FAM124A: variants seen among roughly 807,000 people sequenced by gnomAD.
The protein encoded by FAM124A is family with sequence similarity 124 member A, also known as protein FAM124A.
FAM124A carries 23 observed loss-of-function variants against 24.5 expected under a neutral mutation model. The ratio of observed to expected loss-of-function variants is 0.94; its 90% CI spans 0.68 to 1.33. FAM124A has a LOEUF of 1.33. Ranked by LOEUF, FAM124A falls within the 40% of genes most tolerant of loss-of-function variation. FAM124A has a pLI of 0.00. For missense variants in FAM124A, 623 were observed against 722.8 expected (o/e 0.86, Z 1.58); for synonymous variants, 287 against 314.7 (o/e 0.91, Z 0.93).
intron 1 of FAM124A, among the ~76,000 whole-genome samples, chr13:51,228,783 A>G (rs949961172): frequency 6.6e-6 from 1 of 152,220 alleles, no homozygotes; most frequent in African/African-American, 2.4e-5. Flanking sequence ...TATTTGGAAT[A>G]TATTTTAAGA....
chr13:51,280,449 G>A lies in FAM124A; in HGVS notation c.835-1G>A. The A allele has an allele frequency of 1.3e-6, 2 of 1,587,886 alleles. No homozygotes were observed. The highest frequency in any genetic ancestry group is 1.7e-6 in the Non-Finnish European group (2 of 1,164,618). On this transcript the variant is annotated splice_acceptor_variant, in intron 3 of 3. Coordinates refer to ENST00000322475, the MANE Select transcript of FAM124A (RefSeq NM_001242312.2). LOFTEE classifies it high-confidence loss of function. ...AATGTGATCTGCCTCTCCCCCCACA[G>A]GCACAAAGGGTGCATAAGAAGTTTC... is the stretch of plus-strand genomic sequence containing the variant.
At chr13:51,270,077 G>A (rs1474422108) in intron 3 of FAM124A, among the ~76,000 whole-genome samples, 3 of 152,112 alleles carry the variant, frequency 2.0e-5, no homozygotes, top group Non-Finnish European at 2.9e-5. Flanking sequence ...CAGATCCTGC[G>A]GACATGGGGT....
At chr13:51,226,120 G>A (rs1043074378) in intron 1 of FAM124A, among the ~76,000 whole-genome samples, 1 of 149,656 alleles carries the variant, frequency 6.7e-6, no homozygotes, top group African/African-American at 2.5e-5. Flanking sequence ...AGCCTCCTAA[G>A]TAGCTGGGAT....
At chr13:51,264,904 T>A (rs897369536) in intron 3 of FAM124A, among the ~76,000 whole-genome samples, 6 of 152,258 alleles carry the variant, frequency 3.9e-5, no homozygotes, top group Non-Finnish European at 2.9e-5. Context: ...ATTTTTCCTG[T>A]TTTGTATATT....
intron 2 of FAM124A, chr13:51,245,306 A>G: frequency 1.5e-6 from 1 of 664,252 alleles, no homozygotes; most frequent in Non-Finnish European, 2.8e-6. Flanking sequence ...ATCTTTTATT[A>G]TGCAGATGGA....
At chr13:51,247,150 G>A (rs1954572707) in intron 2 of FAM124A, among the ~76,000 whole-genome samples, 1 of 152,216 alleles carries the variant, frequency 6.6e-6, no homozygotes, top group Admixed American at 6.5e-5. Flanking sequence ...TGGGAATGAA[G>A]CCAGTCAGAA....
chr13:51,275,615 C>T (rs1311179450), intron 3 of FAM124A, among the ~76,000 whole-genome samples: 1 of 152,036 alleles, frequency 6.6e-6, no homozygotes, highest in African/African-American at 2.4e-5. Context: ...AGCCCATAAA[C>T]ATCTCATAAG....
At chr13:51,270,282 A>G (rs1242873618) in intron 3 of FAM124A, among the ~76,000 whole-genome samples, 1 of 152,214 alleles carries the variant, frequency 6.6e-6, no homozygotes, top group Non-Finnish European at 1.5e-5. Flanking sequence ...GAGATAACTC[A>G]TTATTTACAA....
Position 51,231,416 on chromosome 13 carries a change from C to T in FAM124A, c.100+37C>T, listed in dbSNP as rs775700732. ...TTAAACATCCTTCAGCATTGTCTAA[C>T]GGTCCCCGGAGAGGTCAGTACCCTA... On this transcript the variant is annotated intron_variant, in intron 2 of 3. Transcript: ENST00000322475. 21 of 1,611,838 alleles carry T rather than the reference C, an allele frequency of 1.3e-5. No homozygotes were observed. The Admixed American group carries it at 2.2e-4, about 17-fold the overall frequency.
rs1014986376 is a variant in FAM124A, at chr13:51,284,213, G to T, written c.*2957G>T. 1 of 152,346 alleles carries T rather than the reference G, an allele frequency of 6.6e-6. No individual in the cohort carries two copies. The highest frequency in any genetic ancestry group is 2.4e-5 in the African/African-American group (1 of 41,564). The allele number at this position is 152,346 out of a possible 1,614,324, so 9.4% of individuals were successfully genotyped here. On this transcript the variant is annotated 3_prime_UTR_variant, in exon 4 of 4. Transcript: ENST00000322475. ...TAAAAGATGCTGGCACATTGTAGGT[G>T]CTCAATAAATGTGTTCAATTGAAAA...
rs76581540 is a variant in FAM124A at position 51,275,205 on chromosome 13, T to A, written c.835-5245T>A. Among the ~76,000 whole-genome samples the A allele has an allele frequency of 2.1e-3, 264 of 123,198 alleles. 7 individuals carry two copies. In the East Asian group the frequency reaches 0.061, roughly 28 times the overall value. The allele number at this position is 123,198 out of a possible 152,430, so 80.8% of individuals were successfully genotyped here. A position where few individuals can be genotyped will look rare whatever the true frequency, so the allele number is the denominator to read the frequency against. On this transcript the variant is annotated intron_variant, in intron 3 of 3. Coordinates refer to ENST00000322475, the MANE Select transcript of FAM124A (RefSeq NM_001242312.2). ...CTGGGAAACATAGCCAGACCCTGTA[T>A]ATACAAAAAAAAAAAAAAAAAAATT...
chr13:51,281,203 C>T lies in FAM124A; in HGVS notation c.1588C>T (p.Pro530Ser). 1.2e-6 allele frequency: 2 copies of T among 1,607,276 alleles called. No individual in the cohort carries two copies. The highest frequency in any genetic ancestry group is 1.7e-4 in the Middle Eastern group (1 of 6,034). ...VKQTDGDMPPPPGSAGPGDND... is the reference protein window; with the variant it reads ...VKQTDGDMPPSPGSAGPGDND... ...GCAGACTGATGGAGACATGCCACCA[C>T]CCCCAGGGTCGGCTGGCCCCGGGGA... Residue 530 changes from proline (P) to serine (S), a missense_variant, in exon 4 of 4, where the codon CCC becomes TCC. Pro to Ser is a moderately conservative substitution (Grantham distance 74). Coordinates refer to ENST00000322475, the MANE Select transcript of FAM124A (RefSeq NM_001242312.2).
At chr13:51,252,488 A>C in intron 3 of FAM124A, 2 of 485,360 alleles carry the variant, frequency 4.1e-6, no homozygotes, top group South Asian at 4.3e-5. Context: ...CTAAACACCC[A>C]TGACTCCTGG....
intron 3 of FAM124A, among the ~76,000 whole-genome samples, chr13:51,273,443 C>G (rs1432482266): frequency 5.3e-5 from 8 of 152,164 alleles, no homozygotes; most frequent in African/African-American, 1.9e-4. Flanking sequence ...CATGCATGTA[C>G]TTTTTCTTTT....
chr13:51,280,406 C>T, intron 3 of FAM124A, 44 bp from the exon 4 acceptor site: 2 of 1,493,358 alleles, frequency 1.3e-6, no homozygotes, highest in Non-Finnish European at 1.8e-6. Context: ...ATGCATTTAA[C>T]AATTCCCATC....
At chr13:51,262,606 G>C (rs1221848793) in intron 3 of FAM124A, among the ~76,000 whole-genome samples, 1 of 152,074 alleles carries the variant, frequency 6.6e-6, no homozygotes, top group Non-Finnish European at 1.5e-5. Flanking sequence ...TCTCTTTTCT[G>C]CTGCAACCTC....
chr13:51,275,344 C>T (rs943860894), intron 3 of FAM124A, among the ~76,000 whole-genome samples: 8 of 152,152 alleles, frequency 5.3e-5, no homozygotes, highest in Admixed American at 2.6e-4. Flanking sequence ...TGCCACTGCA[C>T]GCCAGCCTGG....
rs145434740 is a variant in FAM124A at position 51,244,675 on chromosome 13, A to G, written c.101-6793A>G. 1.3e-3 allele frequency among the ~76,000 whole-genome samples: 198 copies of G among 152,268 alleles called. No homozygotes were observed. The Middle Eastern group carries it at 0.017, about 13-fold the overall frequency. The stretch of plus-strand genomic sequence containing the variant: ...AGGGCTAGTCTGGCAGGCACCGGGC[A>G]AGCAGTGCAGGCATGGCTGATCTAA... On this transcript the variant is annotated intron_variant, in intron 2 of 3. Transcript: ENST00000322475.
intron 3 of FAM124A, among the ~76,000 whole-genome samples, chr13:51,273,762 C>G (rs1242415081): frequency 6.6e-6 from 1 of 152,154 alleles, no homozygotes; most frequent in Admixed American, 6.5e-5. Context: ...AGATTTTTAA[C>G]CTAAGTTATT....
Sources: allele counts gnomAD v4.1 joint callset (sites outside exome capture counted in the v4.1 genomes callset), GRCh38; gene constraint gnomAD v4.1.1; transcripts MANE v1.5; gene names NCBI Gene and HGNC (gene_info 2026-07-23, HGNC 2026-07-21).